The following MYH4 variants were observed in gnomAD, a reference collection of about 807,000 sequenced individuals.
The protein encoded by MYH4 is myosin heavy chain 4, also known as myosin-4.
In MYH4, 200 loss-of-function variants were observed where a neutral mutation model predicts 229.9. The observed-to-expected ratio is 0.87, with a 90% CI of 0.78 to 0.98. MYH4 has a LOEUF of 0.98. MYH4 is among the 50% of genes least tolerant of loss of function. The pLI, the probability that MYH4 is intolerant of heterozygous loss-of-function variation, is 0.00. For missense variants in MYH4, 2,148 were observed against 2,332.6 expected (o/e 0.92, Z 1.63); for synonymous variants, 761 against 834.6 (o/e 0.91, Z 1.52).
intron 11 of MYH4, among the ~76,000 whole-genome samples, chr17:10,462,236 A>G (rs2072710942): frequency 1.3e-5 from 2 of 152,220 alleles, no homozygotes; most frequent in South Asian, 2.1e-4. Context: ...AAATATACAT[A>G]AAGTTTACAT....
intron 12 of MYH4, 76 bp downstream of exon 12, chr17:10,460,839 TA>T: frequency 1.3e-6 from 2 of 1,534,158 alleles, no homozygotes; most frequent in South Asian, 2.4e-5. Context: ...TCAGAGAAAG[TA>T]AAAACACGGT....
In MYH4 at chr17:10,455,204, C is replaced by T; in HGVS notation, c.2266G>A (p.Asp756Asn). 6.2e-7 allele frequency: 1 copy of T among 1,614,118 alleles called. No homozygotes were observed. ...TGACCGAATTTGTACTGGGTGTGGT[C>T]AATTTCAATAGACCCTAGAAGTTTC... Reference protein sequence around the residue: ...SEKLLGSIEIDHTQYKFGHTK... With the variant: ...SEKLLGSIEINHTQYKFGHTK... Residue 756 changes from aspartate (D) to asparagine (N), a missense_variant, in exon 20 of 40, where the codon GAC (aspartate) becomes AAC (asparagine). Asp to Asn is a conservative substitution (Grantham distance 23). Transcript: ENST00000255381.
At position 10,457,743 on chromosome 17, in the gene MYH4, A is replaced by G. The variant is rs2072658312; in HGVS notation, c.1588-14T>C. On this transcript the variant is annotated splice_polypyrimidine_tract_variant and intron_variant, in intron 15 of 39. Transcript: ENST00000255381. ...GATGCCCATAGGCTAAGAATAGGAA[A>G]AAAGGGATGATAATGATGAGTCCCT... is the stretch of plus-strand genomic sequence containing the variant. 1 of 1,607,822 alleles carries G rather than the reference A, an allele frequency of 6.2e-7. No individual in the cohort carries two copies. Among genetic ancestry groups the G allele is most frequent in the Admixed American group, 1.7e-5 (1 of 59,356 alleles).
chr17:10,456,376 TG>T, intron 17 of MYH4, 108 bp downstream of exon 17: 1 of 859,134 alleles, frequency 1.2e-6, no homozygotes, highest in Non-Finnish European at 1.8e-6. Flanking sequence ...AAAAGTATAC[TG>T]TACTACTTTA....
Position 10,453,138 on chromosome 17 carries a change from T to C in MYH4, c.3111+14A>G, listed in dbSNP as rs775869717. The C allele has an allele frequency of 8.1e-6, 13 of 1,613,970 alleles. No homozygotes were observed. The highest frequency in any genetic ancestry group is 5.0e-5 in the Admixed American group (3 of 60,006). Reference sequence around the variant, plus strand: ...TTTCATTGCAAGGGGAAACATTTTCTTTTTCACACTTACATCGTCCACTTG... The same window carrying C: ...TTTCATTGCAAGGGGAAACATTTTCCTTTTCACACTTACATCGTCCACTTG... On this transcript the variant is annotated intron_variant, in intron 24 of 39. Transcript: ENST00000255381.
rs1457087191 is a variant in MYH4 at position 10,463,573 on chromosome 17, C to G, written c.719G>C (p.Arg240Thr). ...LEAFGNAKTV[R>T]NDNSSRFGKF... is the part of the protein sequence containing the mutation. ...TACAAAGCGAGAGGAGTTGTCATTCCTCACGGTCTTGGCATTGCCGAAGGC... is the reference window on the plus strand; with the variant it reads ...TACAAAGCGAGAGGAGTTGTCATTCGTCACGGTCTTGGCATTGCCGAAGGC... The change falls in exon 8 of 40, where the codon AGG becomes ACG. Residue 240 changes from arginine to threonine, a missense_variant. Transcript: ENST00000255381. 6.2e-7 allele frequency: 1 copy of G among 1,613,486 alleles called. No homozygotes were observed. Among genetic ancestry groups the G allele is most frequent in the Non-Finnish European group, 8.5e-7 (1 of 1,179,442 alleles).
chr17:10,460,387 A>T, intron 12 of MYH4, 66 bp from the exon 13 acceptor site: 1 of 1,258,884 alleles, frequency 7.9e-7, no homozygotes, highest in Non-Finnish European at 1.1e-6. Flanking sequence ...GTAAATGATG[A>T]TGACAAAGAA....
Position 10,460,065 on chromosome 17 carries a change from A to G in MYH4, c.1303T>C (p.Tyr435His), listed in dbSNP as rs765143035. The G allele has an allele frequency of 1.9e-6, 3 of 1,614,216 alleles. No individual in the cohort carries two copies. Among genetic ancestry groups the G allele is most frequent in the East Asian group, 2.2e-5 (1 of 44,872 alleles). Residue 435 changes from tyrosine to histidine, a missense_variant, in exon 14 of 40, where the codon TAC (tyrosine) becomes CAC (histidine). Physicochemically the swap from Tyr to His is moderately conservative, Grantham distance 83. Coordinates refer to ENST00000255381, the MANE Select transcript of MYH4 (RefSeq NM_017533.2). ...ACCATCCACAGGAACATCTTCTCGTAGATGGCTTTGGCCAGAGCACCCACT... is the reference window on the plus strand; with the variant it reads ...ACCATCCACAGGAACATCTTCTCGTGGATGGCTTTGGCCAGAGCACCCACT... ...NAVGALAKAI[Y>H]EKMFLWMVTR...
chr17:10,452,216 C>T lies in MYH4; in HGVS notation c.3463G>A (p.Glu1155Lys), dbSNP rs1403428792. 1 of 1,613,798 alleles carries T rather than the reference C, an allele frequency of 6.2e-7. No homozygotes were observed. The highest frequency in any genetic ancestry group is 1.1e-5 in the South Asian group (1 of 91,072). ...GCTGAAGTGGCCCCACCGGCTTCTT[C>T]CAGCCTCTCACTGATCTCCTCCAGC... Reference protein sequence around the residue: ...RELEEISERLEEAGGATSAQI... With the variant: ...RELEEISERLKEAGGATSAQI... Residue 1155 changes from glutamate (E) to lysine (K), a missense_variant, in exon 27 of 40, where the codon GAA (glutamate) becomes AAA (lysine). Transcript: ENST00000255381.
chr17:10,452,836 T>C lies in MYH4; in HGVS notation c.3208A>G (p.Thr1070Ala). Residue 1070 changes from threonine (T) to alanine (A), a missense_variant, in exon 25 of 40, where the codon ACA becomes GCA. Thr to Ala is a moderately conservative substitution (Grantham distance 58). Coordinates refer to ENST00000255381, the MANE Select transcript of MYH4 (RefSeq NM_017533.2). ...TGTTTGTCATTTTCTGTATCCATTG[T>C]GGATTCTTGGGCCAATTTTAGGTCA... The part of the protein sequence containing the change: ...EGDLKLAQES[T>A]MDTENDKQQL... The C allele has an allele frequency of 6.2e-7, 1 of 1,610,102 alleles. No individual in the cohort carries two copies. The highest frequency in any genetic ancestry group is 8.5e-7 in the Non-Finnish European group (1 of 1,179,424).
chr17:10,450,189 C>A (rs2072556621), intron 30 of MYH4, among the ~76,000 whole-genome samples: 1 of 152,032 alleles, frequency 6.6e-6, no homozygotes, highest in Non-Finnish European at 1.5e-5. Context: ...AAATAATATT[C>A]TGATAATTAA....
At chr17:10,453,126 G>C (rs1352014121) in intron 24 of MYH4, 26 bp downstream of exon 24, 9 of 1,613,568 alleles carry the variant, frequency 5.6e-6, no homozygotes, top group Admixed American at 5.0e-5. Context: ...CATTGCAAGG[G>C]GAAACATTTT....
intron 19 of MYH4, 98 bp downstream of exon 19, chr17:10,455,516 G>T: frequency 2.7e-6 from 4 of 1,472,470 alleles, no homozygotes; most frequent in Non-Finnish European, 2.8e-6. Flanking sequence ...TCAAATAATT[G>T]CATGTCATTT....
At chr17:10,453,019 T>G (rs1028854732) in intron 24 of MYH4, 87 bp from the exon 25 acceptor site, 8 of 1,584,096 alleles carry the variant, frequency 5.1e-6, no homozygotes, top group Admixed American at 3.6e-5. Context: ...AGAAAAAAAT[T>G]TAAAGATACA....
chr17:10,456,917 G>A (rs1175668319), intron 16 of MYH4, among the ~76,000 whole-genome samples: 3 of 152,236 alleles, frequency 2.0e-5, no homozygotes, highest in Non-Finnish European at 4.4e-5. Context: ...ACAACAGGCA[G>A]AGTTGCACAC....
intron 15 of MYH4, among the ~76,000 whole-genome samples, chr17:10,459,038 G>A (rs940479968): frequency 2.0e-5 from 3 of 152,118 alleles, no homozygotes; most frequent in East Asian, 1.9e-4. Flanking sequence ...GGATAAATGC[G>A]AATCCATATG....
intron 5 of MYH4, 125 bp from the exon 6 acceptor site, chr17:10,464,833 G>A: frequency 1.1e-6 from 1 of 905,714 alleles, no homozygotes; most frequent in East Asian, 2.6e-5. Flanking sequence ...ATATGAATTT[G>A]TGCTTTGCTT....
At chr17:10,463,704 C>CGCCTGTAATCCCAG in intron 7 of MYH4, 61 bp from the exon 8 acceptor site, 1 of 1,319,498 alleles carries the variant, frequency 7.6e-7, no homozygotes, top group Non-Finnish European at 1.1e-6. Context: ...TTCCCATTGA[C>CGCCTGTAATCCCAG]CTCTTTCCCT....
chr17:10,458,413 A>G (rs1433126362), intron 15 of MYH4, among the ~76,000 whole-genome samples: 1 of 152,206 alleles, frequency 6.6e-6, no homozygotes, highest in Admixed American at 6.5e-5. Context: ...TAAAGTTTTC[A>G]TGAATAGTAG....
Sources: gnomAD v4.1 joint callset for allele counts (sites outside exome capture counted in the v4.1 genomes callset) on GRCh38, gnomAD v4.1.1 for gene constraint, MANE v1.5 for transcripts, NCBI Gene and HGNC (gene_info 2026-07-23, HGNC 2026-07-21) for gene names.